The following KCNMA1 variants were observed in gnomAD, a reference collection of about 807,000 sequenced individuals.
KCNMA1 encodes the protein potassium calcium-activated channel subfamily M alpha 1.
A neutral mutation model predicts 140.0 loss-of-function variants in KCNMA1; 29 were observed. The ratio of observed to expected loss-of-function variants is 0.21; its 90% confidence interval spans 0.15 to 0.28. KCNMA1 has a LOEUF of 0.28. Among genes scored for constraint, KCNMA1 ranks in the 10% least tolerant of loss-of-function variants. KCNMA1 has a pLI of 1.00. For synonymous variants in KCNMA1, 612 were observed against 611.9 expected (o/e 1.00, Z 0.00); for missense variants, 880 against 1,602.2 (o/e 0.55, Z 7.70).
chr10:77,365,287 C>T (rs2094273635), intron 2 of KCNMA1, among the ~76,000 whole-genome samples: 1 of 152,164 alleles, frequency 6.6e-6, no homozygotes, highest in Non-Finnish European at 1.5e-5. Context: ...ACAACCCAAC[C>T]CAAGACAGGC....
chr10:76,886,083 C>A lies in KCNMA1; in HGVS notation c.*1183G>T. ...GTTGAAGGTGGTGGCTGGCTTTTGTCTTTGTTGAGTCAACTGTGGCTGATC... is the reference window on the plus strand; with the variant it reads ...GTTGAAGGTGGTGGCTGGCTTTTGTATTTGTTGAGTCAACTGTGGCTGATC... On this transcript the variant is annotated 3_prime_UTR_variant, in exon 28 of 28. Transcript: ENST00000286628. 1 of 985,392 alleles carries A rather than the reference C, an allele frequency of 1.0e-6. No homozygotes were observed. The highest frequency in any genetic ancestry group is 1.7e-5 in the African/African-American group (1 of 57,344). The allele number at this position is 985,392 out of a possible 1,614,324, so 61.0% of individuals were successfully genotyped here. A position where few individuals can be genotyped will look rare whatever the true frequency, so the allele number is the denominator to read the frequency against.
chr10:76,969,177 C>T (rs1476237641), intron 20 of KCNMA1, among the ~76,000 whole-genome samples: 3 of 147,058 alleles, frequency 2.0e-5, no homozygotes, highest in Non-Finnish European at 4.5e-5. Flanking sequence ...CTGCAGAACG[C>T]TGTTGAAATT....
intron 3 of KCNMA1, among the ~76,000 whole-genome samples, chr10:77,223,231 G>GAAA (rs71028264): frequency 7.2e-6 from 1 of 139,512 alleles, no homozygotes; most frequent in South Asian, 2.3e-4. Context: ...TTCCATCTCA[G>GAAA]AAAAAAAAAA....
At chr10:77,317,351 C>T (rs1273893143) in intron 2 of KCNMA1, among the ~76,000 whole-genome samples, 1 of 152,170 alleles carries the variant, frequency 6.6e-6, no homozygotes, top group East Asian at 1.9e-4. Flanking sequence ...TCATTTGTAG[C>T]CAGCTCCACT....
chr10:77,364,008 A>G (rs2094172966), intron 2 of KCNMA1, among the ~76,000 whole-genome samples: 1 of 152,180 alleles, frequency 6.6e-6, no homozygotes, highest in Non-Finnish European at 1.5e-5. Context: ...TCTCTCGACC[A>G]GTTTGCACAA....
chr10:77,174,774 C>T (rs1220658851), intron 5 of KCNMA1, among the ~76,000 whole-genome samples: 1 of 152,160 alleles, frequency 6.6e-6, no homozygotes, highest in Admixed American at 6.5e-5. Context: ...TCAGAAACTG[C>T]ATTCTAACAA....
intron 23 of KCNMA1, among the ~76,000 whole-genome samples, chr10:76,919,058 T>C (rs138638790): frequency 6.6e-6 from 1 of 152,178 alleles, no homozygotes; most frequent in Non-Finnish European, 1.5e-5. Context: ...AACTCAGGAA[T>C]GGAAAACCAA....
chr10:77,146,780 G>A (rs1431345505), intron 5 of KCNMA1, among the ~76,000 whole-genome samples: 1 of 122,796 alleles, frequency 8.1e-6, no homozygotes, highest in Non-Finnish European at 1.7e-5. Flanking sequence ...CTCAGGGGCT[G>A]TGACAATAAA....
chr10:77,387,585 C>CTTTTTTT (rs1566489108), intron 2 of KCNMA1, among the ~76,000 whole-genome samples: 22 of 143,376 alleles, frequency 1.5e-4, no homozygotes, highest in African/African-American at 4.8e-4. Flanking sequence ...TTTTTCTTTT[C>CTTTTTTT]TCTTTTCTTT....
intron 19 of KCNMA1, among the ~76,000 whole-genome samples, chr10:76,983,138 T>A (rs550244321): frequency 1.2e-4 from 19 of 152,306 alleles, no homozygotes; most frequent in African/African-American, 4.6e-4. Flanking sequence ...GCAATCCATA[T>A]TTTCAAAAAA....
intron 1 of KCNMA1, among the ~76,000 whole-genome samples, chr10:77,492,144 G>C (rs115170450): frequency 0.02 from 3,060 of 152,312 alleles, 96 homozygotes; most frequent in African/African-American, 0.071. Context: ...TGCCGACAGA[G>C]TGCAGGTGAA....
chr10:77,401,686 C>G (rs1012417982), intron 2 of KCNMA1, among the ~76,000 whole-genome samples: 2 of 152,214 alleles, frequency 1.3e-5, no homozygotes, highest in Non-Finnish European at 2.9e-5. Context: ...AAATTCCAGC[C>G]CACCTAGTGG....
intron 2 of KCNMA1, among the ~76,000 whole-genome samples, chr10:77,310,896 T>A (rs1440472924): frequency 6.6e-6 from 1 of 152,178 alleles, no homozygotes; most frequent in South Asian, 2.1e-4. Flanking sequence ...CCATTTTAAC[T>A]CCTGAAGTAC....
At chr10:77,389,533 A>G (rs60560484) in intron 2 of KCNMA1, among the ~76,000 whole-genome samples, 2,199 of 152,182 alleles carry the variant, frequency 0.014, 45 homozygotes, top group African/African-American at 0.05. Context: ...AGGATACTCA[A>G]TTGGAAAGGA....
At chr10:77,002,447 C>T (rs1460511738) in intron 18 of KCNMA1, among the ~76,000 whole-genome samples, 1 of 152,208 alleles carries the variant, frequency 6.6e-6, no homozygotes, top group Non-Finnish European at 1.5e-5. Context: ...AGGAAGCAAT[C>T]AGGCTATTGG....
At chr10:77,212,793 G>A (rs73293977) in intron 3 of KCNMA1, among the ~76,000 whole-genome samples, 2,965 of 152,058 alleles carry the variant, frequency 0.019, 96 homozygotes, top group African/African-American at 0.068. Flanking sequence ...AGGAATCAGC[G>A]CTCTTGACTT....
At chr10:77,523,803 G>A (rs769511525) in intron 1 of KCNMA1, among the ~76,000 whole-genome samples, 4 of 152,190 alleles carry the variant, frequency 2.6e-5, no homozygotes, top group Non-Finnish European at 4.4e-5. Context: ...CTGGGAAGGG[G>A]AGTGGCGGAT....
At chr10:77,047,450 G>T (rs1165818667) in intron 14 of KCNMA1, among the ~76,000 whole-genome samples, 2 of 152,146 alleles carry the variant, frequency 1.3e-5, no homozygotes, top group East Asian at 3.8e-4. Context: ...TCCCAACCAG[G>T]TTTATTTCTG....
chr10:77,553,371 G>C (rs886283663), intron 1 of KCNMA1, among the ~76,000 whole-genome samples: 1 of 152,142 alleles, frequency 6.6e-6, no homozygotes, highest in Non-Finnish European at 1.5e-5. Context: ...TCCTGCTGCA[G>C]CAAGGAAAGG....
Sources: gnomAD v4.1 joint callset for allele counts (sites outside exome capture counted in the v4.1 genomes callset) on GRCh38, gnomAD v4.1.1 for gene constraint, MANE v1.5 for transcripts, NCBI Gene and HGNC (gene_info 2026-07-23, HGNC 2026-07-21) for gene names.